UGT1A6: variants seen among roughly 807,000 people sequenced by gnomAD.
The protein encoded by UGT1A6 is UDP glucuronosyltransferase family 1 member A6, also known as UDP-glucuronosyltransferase 1A6.
In UGT1A6, 32 loss-of-function variants were observed where a neutral mutation model predicts 44.4. The observed-to-expected ratio is 0.72, with a 90% CI of 0.54 to 0.97. The LOEUF is 0.97. Among genes scored for constraint, UGT1A6 ranks in the 50% least tolerant of loss-of-function variants. The probability of loss-of-function intolerance (pLI) is 0.00; values close to 1 mark genes in which losing one functional copy is unlikely to be tolerated. For missense variants in UGT1A6, 685 were observed against 661.9 expected (o/e 1.03, Z -0.38); for synonymous variants, 238 against 248.5 (o/e 0.96, Z 0.40).
rs368860136 is a variant in UGT1A6, at chr2:233,772,310, G to A, written c.1350G>A (p.Pro450=). The A allele has an allele frequency of 6.6e-5, 107 of 1,614,092 alleles. No individual in the cohort carries two copies. The highest frequency in any genetic ancestry group is 2.5e-4 in the African/African-American group (19 of 74,926). ...MRLSSLHKDR[P]VEPLDLAVFW... ...TCTCCAGCCTTCACAAGGACCGCCCGGTGGAGCCGCTGGACCTGGCCGTGT... is the reference window on the plus strand; with the variant it reads ...TCTCCAGCCTTCACAAGGACCGCCCAGTGGAGCCGCTGGACCTGGCCGTGT... Residue 450 remains proline, a synonymous_variant, in exon 5 of 5, where the codon CCG becomes CCA. Transcript: ENST00000305139.
Position 233,746,688 on chromosome 2 carries a change from A to G in UGT1A6, c.862-20346A>G, listed in dbSNP as rs575730371. 2.2e-4 allele frequency among the ~76,000 whole-genome samples: 34 copies of G among 151,888 alleles called. 2 individuals carry two copies. The highest frequency in any genetic ancestry group is 7.5e-4 in the African/African-American group (31 of 41,174). On this transcript the variant is annotated intron_variant, in intron 1 of 4. Transcript: ENST00000305139. The stretch of plus-strand genomic sequence containing the variant: ...CTAGCATAGTAGGTAGGGCTCACAC[A>G]TTCCATAAATATTTGGTGGATAAGG...
Position 233,724,954 on chromosome 2 carries a change from C to T in UGT1A6, c.861+31089C>T, listed in dbSNP as rs544768388. Among the ~76,000 whole-genome samples, 7 of 144,024 alleles carry T rather than the reference C, an allele frequency of 4.9e-5. No homozygotes were observed. In the South Asian group the frequency reaches 7.3e-4, roughly 15 times the overall value. 94.5% of individuals were successfully genotyped at this position (144,024 alleles called of 152,430 possible). Reference sequence around the variant, plus strand: ...GACTCCGTCTGCAATCCCGGCACCTCGGGAGGCCGAGGTTGGCGGATCACT... The same window carrying T: ...GACTCCGTCTGCAATCCCGGCACCTTGGGAGGCCGAGGTTGGCGGATCACT... On this transcript the variant is annotated intron_variant, in intron 1 of 4. Transcript: ENST00000305139.
At chr2:233,730,348 T>A (rs2078018262) in intron 1 of UGT1A6, among the ~76,000 whole-genome samples, 1 of 152,216 alleles carries the variant, frequency 6.6e-6, no homozygotes, top group Non-Finnish European at 1.5e-5. Flanking sequence ...TGATCCATCC[T>A]GGATTTTTTG....
intron 1 of UGT1A6, among the ~76,000 whole-genome samples, chr2:233,694,485 A>G (rs2075222976): frequency 6.6e-6 from 1 of 152,214 alleles, no homozygotes; most frequent in South Asian, 2.1e-4. Context: ...CTGACCTAAG[A>G]CAAGTGTTTA....
intron 1 of UGT1A6, chr2:233,747,140 A>C: frequency 1.3e-6 from 2 of 1,552,466 alleles, no homozygotes; most frequent in East Asian, 2.3e-5. Flanking sequence ...GTGACAAGGT[A>C]ATTAAGATGA....
intron 1 of UGT1A6, chr2:233,743,033 G>A: frequency 3.8e-6 from 1 of 265,158 alleles, no homozygotes; most frequent in Non-Finnish European, 7.4e-6. Context: ...ACAAACAGAG[G>A]TCCTATCCGT....
Position 233,767,880 on chromosome 2 carries a change from C to A in UGT1A6, c.1025C>A (p.Ser342Ter), listed in dbSNP as rs144978321. 4.3e-6 allele frequency: 7 copies of A among 1,614,168 alleles called. No individual in the cohort carries two copies. Among genetic ancestry groups the A allele is most frequent in the Non-Finnish European group, 5.1e-6 (6 of 1,180,044 alleles). ...VLWRYTGTRP[S>*]NLANNTILVK... ...TGGCGGTACACTGGAACCCGACCAT[C>A]GAATCTTGCGAACAACACGATACTT... The change falls in exon 3 of 5, where the codon TCG (serine) becomes TAG (stop). Residue 342 changes from serine (S) to a stop codon, truncating the protein, a stop_gained. Coordinates refer to ENST00000305139, the MANE Select transcript of UGT1A6 (RefSeq NM_001072.4). LOFTEE classifies it high-confidence loss of function.
chr2:233,719,252 T>G (rs2076741853), intron 1 of UGT1A6: 2 of 1,614,040 alleles, frequency 1.2e-6, no homozygotes, highest in Non-Finnish European at 1.7e-6. Flanking sequence ...TGAATGCTAC[T>G]TCCTTTGATG....
intron 1 of UGT1A6, chr2:233,743,763 C>A (rs1415597563): frequency 7.3e-7 from 1 of 1,367,254 alleles, no homozygotes; most frequent in African/African-American, 1.5e-5. Flanking sequence ...ACCTCGTAGG[C>A]CTCGGCCACC....
At chr2:233,755,308 G>C in intron 1 of UGT1A6, 3 of 564,496 alleles carry the variant, frequency 5.3e-6, no homozygotes, top group Non-Finnish European at 8.4e-6. Flanking sequence ...CTGGCACAGC[G>C]AGCGGCAAGG....
intron 1 of UGT1A6, among the ~76,000 whole-genome samples, chr2:233,699,389 T>C (rs1285645026): frequency 3.3e-5 from 5 of 152,220 alleles, no homozygotes; most frequent in Non-Finnish European, 5.9e-5. Flanking sequence ...AATATCTCAA[T>C]TTTAGAAGAG....
At chr2:233,718,795 G>T (rs1190381622) in intron 1 of UGT1A6, 2 of 1,613,210 alleles carry the variant, frequency 1.2e-6, no homozygotes, top group South Asian at 2.2e-5. Flanking sequence ...GGGGTGGACA[G>T]TCAGCTGTCG....
rs1042707 is a variant in UGT1A6 at position 233,693,061 on chromosome 2, A to G, written c.57A>G (p.Ala19=). 1 of 1,614,096 alleles carries G rather than the reference A, an allele frequency of 6.2e-7. No homozygotes were observed. The highest frequency in any genetic ancestry group is 1.3e-5 in the African/African-American group (1 of 75,004). The change falls in exon 1 of 5, where the codon GCA becomes GCG. Residue 19 remains alanine (A), a synonymous_variant. Coordinates refer to ENST00000305139, the MANE Select transcript of UGT1A6 (RefSeq NM_001072.4). ...TTTCTGCAGGGGTTTTCTTCTTAGC[A>G]CTTTGGGGCATGGTTGTAGGTGACA... The part of the protein sequence containing the change: ...QRISAGVFFL[A]LWGMVVGDKL...
chr2:233,754,088 A>G (rs1438865323), intron 1 of UGT1A6, among the ~76,000 whole-genome samples: 2 of 152,224 alleles, frequency 1.3e-5, no homozygotes, highest in Non-Finnish European at 2.9e-5. Context: ...TTTTATCTAA[A>G]TAATGGTCAA....
intron 1 of UGT1A6, among the ~76,000 whole-genome samples, chr2:233,752,134 G>C (rs1265707864): frequency 6.6e-6 from 1 of 152,180 alleles, no homozygotes; most frequent in Non-Finnish European, 1.5e-5. Context: ...GGACAGAAAG[G>C]ATCATTCCCT....
chr2:233,713,783 T>C (rs2012734), intron 1 of UGT1A6: 779,630 of 1,588,962 alleles, frequency 0.49, 199,785 homozygotes, highest in African/African-American at 0.75. Context: ...TTGTGATGGA[T>C]TACCCCAGGC....
intron 1 of UGT1A6, chr2:233,750,593 G>A (rs978024854): frequency 2.0e-5 from 3 of 152,058 alleles, no homozygotes; most frequent in Admixed American, 6.5e-5. Context: ...GGAGGCCTAG[G>A]AAGGAAAAAT....
At chr2:233,724,345 C>CT (rs2077231135) in intron 1 of UGT1A6, among the ~76,000 whole-genome samples, 1 of 148,054 alleles carries the variant, frequency 6.8e-6, no homozygotes, top group African/African-American at 2.5e-5. Context: ...GGCTGACCCC[C>CT]CCCACCTCCC....
At chr2:233,771,579 A>G (rs974224388) in intron 4 of UGT1A6, 2 of 152,312 alleles carry the variant, frequency 1.3e-5, no homozygotes, top group Non-Finnish European at 2.9e-5. Flanking sequence ...GGTTGTTTAC[A>G]ACTTCAAATA....
Sources: allele counts gnomAD v4.1 joint callset (sites outside exome capture counted in the v4.1 genomes callset), GRCh38; gene constraint gnomAD v4.1.1; transcripts MANE v1.5; gene names NCBI Gene and HGNC (gene_info 2026-07-23, HGNC 2026-07-21).